RARB: variants seen among roughly 807,000 people sequenced by gnomAD.
RARB encodes the protein HBV-activated protein.
RARB carries 17 observed loss-of-function variants against 51.9 expected under a neutral mutation model. The ratio of observed to expected loss-of-function variants is 0.33; its 90% CI spans 0.22 to 0.49. The LOEUF is 0.49. RARB is among the 20% of genes least tolerant of loss of function. The pLI is 0.99. For missense variants in RARB, 369 were observed against 550.8 expected, an observed-to-expected ratio of 0.67 and a Z score of 3.30; for synonymous variants, 215 against 195.4, an observed-to-expected ratio of 1.10 and a Z score of -0.84.
intron 5 of RARB, among the ~76,000 whole-genome samples, chr3:25,386,206 G>T: frequency 6.6e-6 from 1 of 152,100 alleles, no homozygotes; most frequent in Non-Finnish European, 1.5e-5. Flanking sequence ...GCTTCCTGGG[G>T]AAAGGAGAGG....
intron 5 of RARB, among the ~76,000 whole-genome samples, chr3:25,232,609 G>T (rs533438031): frequency 5.9e-5 from 9 of 152,138 alleles, no homozygotes; most frequent in African/African-American, 2.2e-4. Context: ...TTATGTCTAA[G>T]TATCAATGCT....
chr3:25,004,048 T>C, intron 2 of RARB, among the ~76,000 whole-genome samples: 1 of 152,158 alleles, frequency 6.6e-6, no homozygotes, highest in African/African-American at 2.4e-5. Context: ...TAGTTTTTCT[T>C]ACCTGAAGTC....
At chr3:25,161,370 T>C (rs1700470676) in intron 4 of RARB, among the ~76,000 whole-genome samples, 1 of 152,028 alleles carries the variant, frequency 6.6e-6, no homozygotes, top group African/African-American at 2.4e-5. Flanking sequence ...TTAACTTTAA[T>C]TACATTGCAA....
chr3:25,410,588 A>C (rs1031117663), intron 5 of RARB, among the ~76,000 whole-genome samples: 8 of 152,200 alleles, frequency 5.3e-5, no homozygotes, highest in African/African-American at 1.9e-4. Flanking sequence ...AATTTGCCTT[A>C]TAGTCCCCTA....
intron 5 of RARB, among the ~76,000 whole-genome samples, chr3:25,401,790 C>A (rs1707270018): frequency 6.6e-6 from 1 of 151,644 alleles, no homozygotes; most frequent in South Asian, 2.1e-4. Flanking sequence ...TGTTTTTTTT[C>A]TTTTGAGATG....
intron 5 of RARB, among the ~76,000 whole-genome samples, chr3:25,325,492 T>C (rs980301655): frequency 5.3e-5 from 8 of 152,060 alleles, no homozygotes; most frequent in African/African-American, 1.7e-4. Context: ...GGCCCTGTTT[T>C]ATGATGGAGT....
At chr3:24,866,620 T>A (rs1702853300) in intron 2 of RARB, among the ~76,000 whole-genome samples, 2 of 152,090 alleles carry the variant, frequency 1.3e-5, no homozygotes, top group South Asian at 4.1e-4. Context: ...GCCGAGGGGC[T>A]TCCAGGTCTT....
chr3:25,343,024 T>TTGTGTGTGTG (rs6147737), intron 5 of RARB, among the ~76,000 whole-genome samples: 2,534 of 132,054 alleles, frequency 0.019, 63 homozygotes, highest in African/African-American at 0.028. Context: ...TGCAAGTACT[T>TTGTGTGTGTG]TGTGTGTGTG....
intron 4 of RARB, among the ~76,000 whole-genome samples, chr3:25,173,402 C>G (rs987749851): frequency 1.3e-5 from 2 of 152,156 alleles, no homozygotes; most frequent in Non-Finnish European, 2.9e-5. Context: ...GAATAGGTGA[C>G]TGGATAGGCA....
rs114054495 is a variant in RARB, at chr3:25,088,414, C to G, written c.-328+28238C>G. On this transcript the variant is annotated intron_variant, in intron 3 of 11. Transcript: ENST00000383772. ...TTTGCTTGCCACGCTGGTCTTTGTT[C>G]AGGCTGAAAACTTTGATTTATAACT... 4.0e-3 allele frequency among the ~76,000 whole-genome samples: 606 copies of G among 152,254 alleles called. 2 individuals carry two copies. The highest frequency in any genetic ancestry group is 0.014 in the African/African-American group (566 of 41,536).
At chr3:25,312,351 C>T (rs1460020657) in intron 5 of RARB, among the ~76,000 whole-genome samples, 1 of 151,208 alleles carries the variant, frequency 6.6e-6, no homozygotes, top group Non-Finnish European at 1.5e-5. Context: ...AGGCAGAATA[C>T]ATTTTTTTTT....
rs74366065 is a variant in RARB, at chr3:25,181,781, G to T, written c.178+7206G>T. The stretch of plus-strand genomic sequence containing the variant: ...TTGCCATGCAAGTCAGTAGTAGGTT[G>T]ATCTTTGTTCTGTTGGGAACTCTTC... On this transcript the variant is annotated intron_variant, in intron 5 of 11. Transcript: ENST00000383772. Among the ~76,000 whole-genome samples, 318 of 152,152 alleles carry T rather than the reference G, an allele frequency of 2.1e-3. 2 individuals carry two copies. The highest frequency in any genetic ancestry group is 0.02 in the East Asian group (106 of 5,178).
chr3:25,436,388 T>C (rs2125522468), intron 1 of RARB, among the ~76,000 whole-genome samples: 1 of 152,366 alleles, frequency 6.6e-6, no homozygotes, highest in East Asian at 1.9e-4. Context: ...TAATAATCCA[T>C]GGAGTTCTGG....
At position 25,428,897 on chromosome 3, in the gene RARB, A is replaced by C; in HGVS notation, c.157+9A>C. The C allele has an allele frequency of 3.8e-6, 6 of 1,583,126 alleles. No individual in the cohort carries two copies. The highest frequency in any genetic ancestry group is 5.2e-6 in the Non-Finnish European group (6 of 1,159,980). On this transcript the variant is annotated intron_variant, in intron 1 of 7. Coordinates refer to ENST00000330688, the MANE Select transcript of RARB (RefSeq NM_000965.5). ...TCGGCACACTGCTCAATGTAGGTTT[A>C]TTTTTTTCCCTTCTTCTACCAAGAA...
chr3:25,175,928 T>C (rs1188379417), intron 5 of RARB, among the ~76,000 whole-genome samples: 1 of 152,230 alleles, frequency 6.6e-6, no homozygotes, highest in Non-Finnish European at 1.5e-5. Context: ...AATATCTTGC[T>C]GACCCAAGTG....
intron 2 of RARB, among the ~76,000 whole-genome samples, chr3:25,025,736 G>A (rs1697733786): frequency 6.6e-6 from 1 of 152,026 alleles, no homozygotes; most frequent in African/African-American, 2.4e-5. Context: ...TAGAGTATTT[G>A]CTCAATTTTT....
At chr3:25,530,270 G>C (rs1052341321) in intron 3 of RARB, among the ~76,000 whole-genome samples, 1 of 152,214 alleles carries the variant, frequency 6.6e-6, no homozygotes, top group Non-Finnish European at 1.5e-5. Context: ...ATGGGTAAGA[G>C]GTGGAGAGTC....
At chr3:24,951,133 C>T (rs528179433) in intron 2 of RARB, among the ~76,000 whole-genome samples, 3 of 152,210 alleles carry the variant, frequency 2.0e-5, no homozygotes, top group Admixed American at 2.0e-4. Flanking sequence ...GGGAGAGAAG[C>T]TTATCCTACA....
chr3:24,928,783 C>A (rs1168013658), intron 2 of RARB, among the ~76,000 whole-genome samples: 1 of 152,146 alleles, frequency 6.6e-6, no homozygotes, highest in South Asian at 2.1e-4. Flanking sequence ...GATCATTTTT[C>A]TTCCACTTAG....
Sources: gnomAD v4.1 joint callset for allele counts (sites outside exome capture counted in the v4.1 genomes callset) on GRCh38, gnomAD v4.1.1 for gene constraint, MANE v1.5 for transcripts, NCBI Gene and HGNC (gene_info 2026-07-23, HGNC 2026-07-21) for gene names.